The following PIGL variants were observed in gnomAD, a reference collection of about 807,000 sequenced individuals.
PIGL encodes N-acetylglucosaminyl-phosphatidylinositol de-N-acetylase.
Under a neutral mutation model 31.1 loss-of-function variants are expected in PIGL, and 22 were observed. The ratio of observed to expected loss-of-function variants is 0.71; its 90% CI spans 0.51 to 1.01. The LOEUF is 1.01. Ranked by LOEUF, PIGL falls within the 50% of genes least tolerant of loss-of-function variation. The probability of loss-of-function intolerance (pLI) is 0.00; values close to 1 mark genes in which losing one functional copy is unlikely to be tolerated. For missense variants in PIGL, 302 were observed against 315.9 expected, an observed-to-expected ratio of 0.96 and a Z score of 0.33; for synonymous variants, 131 against 117.4, an observed-to-expected ratio of 1.12 and a Z score of -0.75.
chr17:16,245,818 A>AT (rs201714394), intron 2 of PIGL, among the ~76,000 whole-genome samples: 7,095 of 112,760 alleles, frequency 0.063, 401 homozygotes, highest in African/African-American at 0.16. Context: ...ATATATATAT[A>AT]TATTTTTTTT....
At position 16,217,243 on chromosome 17, in the gene PIGL, T is replaced by G. The variant is rs371054034; in HGVS notation, c.17T>G (p.Leu6Arg). The change falls in exon 1 of 7, where the codon CTC becomes CGC. Residue 6 changes from leucine to arginine, a missense_variant. Leu to Arg is a moderately radical substitution (Grantham distance 102). Coordinates refer to ENST00000225609, the MANE Select transcript of PIGL (RefSeq NM_004278.4). ...TTACCCATCATGGAAGCAATGTGGC[T>G]CCTGTGTGTGGCGTTGGCGGTCTTG... is the stretch of plus-strand genomic sequence containing the variant. MEAMW[L>R]LCVALAVLAW... The G allele has an allele frequency of 6.2e-6, 10 of 1,614,108 alleles. No homozygotes were observed. The highest frequency in any genetic ancestry group is 8.5e-6 in the Non-Finnish European group (10 of 1,179,994).
intron 1 of PIGL, among the ~76,000 whole-genome samples, chr17:16,227,064 A>G (rs908925248): frequency 6.6e-6 from 1 of 152,156 alleles, no homozygotes; most frequent in African/African-American, 2.4e-5. Flanking sequence ...CATATTGCCT[A>G]AATAGAACTT....
At chr17:16,263,698 T>C (rs182714695) in intron 2 of PIGL, among the ~76,000 whole-genome samples, 2 of 151,648 alleles carry the variant, frequency 1.3e-5, no homozygotes, top group East Asian at 3.9e-4. Context: ...AATTTTTGTA[T>C]TTTTAGTAGA....
At chr17:16,229,863 T>TG in intron 1 of PIGL, among the ~76,000 whole-genome samples, 1 of 138,996 alleles carries the variant, frequency 7.2e-6, no homozygotes, top group Non-Finnish European at 1.6e-5. Context: ...TCATGATTTT[T>TG]TTTTTTTTTT....
At chr17:16,277,617 AG>A (rs2092901110) in intron 2 of PIGL, among the ~76,000 whole-genome samples, 1 of 152,182 alleles carries the variant, frequency 6.6e-6, no homozygotes, top group African/African-American at 2.4e-5. Flanking sequence ...GAGTCCTGAA[AG>A]TTTTTTCCTC....
chr17:16,224,268 A>T (rs1261186382), intron 1 of PIGL, among the ~76,000 whole-genome samples: 2 of 152,004 alleles, frequency 1.3e-5, no homozygotes, highest in Admixed American at 6.6e-5. Context: ...CTATTATCTG[A>T]TATGAATAGT....
chr17:16,274,723 CAA>C (rs536998016), intron 2 of PIGL, among the ~76,000 whole-genome samples: 2 of 133,868 alleles, frequency 1.5e-5, no homozygotes, highest in African/African-American at 5.4e-5. Flanking sequence ...GACTACGTCT[CAA>C]AAAAAAAAAG....
chr17:16,246,577 T>C (rs997023253), intron 2 of PIGL, among the ~76,000 whole-genome samples: 11 of 151,822 alleles, frequency 7.2e-5, no homozygotes, highest in Non-Finnish European at 1.3e-4. Flanking sequence ...CTTAGTCTGC[T>C]TGGGCTCCCT....
intron 2 of PIGL, among the ~76,000 whole-genome samples, chr17:16,253,051 C>G (rs1027927116): frequency 6.6e-6 from 1 of 152,120 alleles, no homozygotes; most frequent in Non-Finnish European, 1.5e-5. Flanking sequence ...AACCGCATTT[C>G]TACTAAAAAT....
intron 2 of PIGL, among the ~76,000 whole-genome samples, chr17:16,246,670 G>GTTTTTTTTT (rs1284256034): frequency 1.9e-5 from 2 of 106,534 alleles, no homozygotes; most frequent in African/African-American, 3.5e-5. Context: ...CCAGATCAAG[G>GTTTTTTTTT]TCTTTTTTTT....
intron 3 of PIGL, among the ~76,000 whole-genome samples, chr17:16,308,758 T>C (rs1568838569): frequency 6.7e-6 from 1 of 149,726 alleles, no homozygotes; most frequent in African/African-American, 2.5e-5. Flanking sequence ...CCATACTACT[T>C]ATACACTAAT....
chr17:16,249,689 G>A (rs2092762835), intron 2 of PIGL, among the ~76,000 whole-genome samples: 1 of 152,172 alleles, frequency 6.6e-6, no homozygotes, highest in South Asian at 2.1e-4. Flanking sequence ...AAGCCAAAGA[G>A]TCTGGAGTTC....
intron 3 of PIGL, among the ~76,000 whole-genome samples, chr17:16,310,693 C>T (rs866633569): frequency 2.6e-5 from 4 of 152,158 alleles, no homozygotes; most frequent in African/African-American, 9.7e-5. Context: ...CCCACCACCA[C>T]GCCCAGCTCA....
intron 1 of PIGL, among the ~76,000 whole-genome samples, chr17:16,230,671 G>A (rs1316695086): frequency 6.6e-6 from 1 of 150,744 alleles, no homozygotes; most frequent in Non-Finnish European, 1.5e-5. Context: ...AGGCTGGAGT[G>A]CAGTGGCACA....
At chr17:16,258,729 G>A (rs1193402444) in intron 2 of PIGL, among the ~76,000 whole-genome samples, 1 of 152,002 alleles carries the variant, frequency 6.6e-6, no homozygotes, top group Non-Finnish European at 1.5e-5. Context: ...TCGTACTCCT[G>A]ACCTCAGGTG....
chr17:16,309,807 G>A (rs549017621), intron 3 of PIGL, among the ~76,000 whole-genome samples: 2 of 151,808 alleles, frequency 1.3e-5, no homozygotes, highest in Admixed American at 1.3e-4. Context: ...GGCCGGGCAC[G>A]GTGGCTCACG....
At chr17:16,261,265 G>A (rs2092818219) in intron 2 of PIGL, among the ~76,000 whole-genome samples, 1 of 152,126 alleles carries the variant, frequency 6.6e-6, no homozygotes, top group Admixed American at 6.6e-5. Context: ...GGCTGAGTGG[G>A]CAGAACAAAC....
At chr17:16,255,452 G>A (rs1463637485) in intron 2 of PIGL, among the ~76,000 whole-genome samples, 1 of 152,176 alleles carries the variant, frequency 6.6e-6, no homozygotes, top group African/African-American at 2.4e-5. Flanking sequence ...AGCTGAACAA[G>A]GAAATATAAT....
chr17:16,284,393 A>T (rs1394639307), intron 2 of PIGL, among the ~76,000 whole-genome samples: 1 of 152,216 alleles, frequency 6.6e-6, no homozygotes, highest in Non-Finnish European at 1.5e-5. Flanking sequence ...GTTTAAAACA[A>T]AGATGATAGC....
Sources: allele counts gnomAD v4.1 joint callset (sites outside exome capture counted in the v4.1 genomes callset), GRCh38; gene constraint gnomAD v4.1.1; transcripts MANE v1.5; gene names NCBI Gene and HGNC (gene_info 2026-07-23, HGNC 2026-07-21).